Variants in PGRMC2 observed in about 807,000 individuals in gnomAD.
PGRMC2 encodes the protein membrane-associated progesterone receptor component 2.
In PGRMC2, 9 loss-of-function variants were observed where a neutral mutation model predicts 19.3. The ratio of observed to expected loss-of-function variants is 0.47; its 90% CI spans 0.28 to 0.81. The LOEUF is 0.81. PGRMC2 is among the 40% of genes least tolerant of loss of function. The pLI is 0.11. For synonymous variants in PGRMC2, 157 were observed against 124.6 expected (o/e 1.26, Z -1.73); for missense variants, 289 against 297.3 (o/e 0.97, Z 0.21).
intron 1 of PGRMC2, among the ~76,000 whole-genome samples, chr4:128,279,018 G>A (rs1467112954): frequency 6.6e-6 from 1 of 152,152 alleles, no homozygotes; most frequent in Non-Finnish European, 1.5e-5. Flanking sequence ...AGACCAGACT[G>A]ACCAACATGG....
intron 1 of PGRMC2, among the ~76,000 whole-genome samples, chr4:128,285,865 T>A (rs560260599): frequency 5.9e-5 from 9 of 152,334 alleles, no homozygotes; most frequent in African/African-American, 2.2e-4. Context: ...GGCAGACACC[T>A]TGTGTTCACA....
chr4:128,277,791 T>G (rs904173514), intron 1 of PGRMC2, among the ~76,000 whole-genome samples: 4 of 152,230 alleles, frequency 2.6e-5, no homozygotes, highest in African/African-American at 9.7e-5. Flanking sequence ...GAATGCAGTA[T>G]GGTAAAACTG....
At chr4:128,287,263 C>G (rs1302937192) in intron 1 of PGRMC2, 110 bp downstream of exon 1, 4 of 1,305,054 alleles carry the variant, frequency 3.1e-6, no homozygotes, top group South Asian at 1.5e-5. Context: ...GCGGGGGTCC[C>G]GGAGACGAGA....
Position 128,272,386 on chromosome 4 carries a change from G to T in PGRMC2, c.550C>A (p.Arg184=). 1.3e-6 allele frequency: 2 copies of T among 1,517,342 alleles called. No individual in the cohort carries two copies. The highest frequency in any genetic ancestry group is 1.4e-5 in the South Asian group (1 of 73,932). 94.0% of individuals were successfully genotyped at this position (1,517,342 alleles called of 1,614,324 possible). The part of the protein sequence containing the change: ...DLNAVQMESV[R]EWEMQFKEKY... ...CCTTTAAACTGCATTTCCCATTCTC[G>T]AACACTCTCCATTTGTACTGCATTC... The change falls in exon 2 of 3, where the codon CGA becomes AGA. Residue 184 remains arginine, a synonymous_variant. Transcript: ENST00000296425.
At position 128,271,322 on chromosome 4, in the gene PGRMC2, C is replaced by A; in HGVS notation, c.666G>T (p.Gln222His). 1 of 1,573,990 alleles carries A rather than the reference C, an allele frequency of 6.4e-7. No homozygotes were observed. Among genetic ancestry groups the A allele is most frequent in the South Asian group, 1.1e-5 (1 of 89,330 alleles). Reference sequence around the variant, plus strand: ...CTTTGGTTGTTTACAAAGTTCAATCCTGTTTATTGTGATCCTTGGTATCTT... The same window carrying A: ...CTTTGGTTGTTTACAAAGTTCAATCATGTTTATTGTGATCCTTGGTATCTT... ...DEEDTKDHNK[Q>H]D The change falls in exon 3 of 3, where the codon CAG (glutamine) becomes CAT (histidine). Residue 222 changes from glutamine (Q) to histidine (H), a missense_variant. Coordinates refer to ENST00000296425, the MANE Select transcript of PGRMC2 (RefSeq NM_006320.6).
chr4:128,272,584 TAAAAAA>T, intron 1 of PGRMC2, 67 bp from the exon 2 acceptor site: 5 of 333,898 alleles, frequency 1.5e-5, no homozygotes, highest in Non-Finnish European at 2.2e-5. Flanking sequence ...AAGGAAAAAG[TAAAAAA>T]AAAAAAAAAA....
At chr4:128,273,830 G>A (rs1760767829) in intron 1 of PGRMC2, among the ~76,000 whole-genome samples, 1 of 152,192 alleles carries the variant, frequency 6.6e-6, no homozygotes, top group African/African-American at 2.4e-5. Context: ...AAGTTAACCA[G>A]ATGTGAAATT....
rs754432009 is a variant in PGRMC2 at position 128,271,289 on chromosome 4, G to T, written c.*27C>A. ...GGGAGTAAGAATTGCAGTTCTGAAG[G>T]CCCCTGACTTTGGTTGTTTACAAAG... On this transcript the variant is annotated 3_prime_UTR_variant, in exon 3 of 3. Coordinates refer to ENST00000296425, the MANE Select transcript of PGRMC2 (RefSeq NM_006320.6). The T allele has an allele frequency of 8.2e-7, 1 of 1,225,798 alleles. No individual in the cohort carries two copies. Among genetic ancestry groups the T allele is most frequent in the Non-Finnish European group, 1.2e-6 (1 of 835,008 alleles). 75.9% of individuals were successfully genotyped at this position (1,225,798 alleles called of 1,614,324 possible).
intron 2 of PGRMC2, among the ~76,000 whole-genome samples, chr4:128,272,049 A>AT (rs1319436802): frequency 3.9e-5 from 6 of 152,140 alleles, no homozygotes; most frequent in Non-Finnish European, 8.8e-5. Flanking sequence ...TTAAATATTG[A>AT]TTTTCAAAAT....
rs772803429 is a variant in PGRMC2 at position 128,269,754 on chromosome 4, G to T, written c.*1562C>A. On this transcript the variant is annotated 3_prime_UTR_variant, in exon 3 of 3. Coordinates refer to ENST00000296425, the MANE Select transcript of PGRMC2 (RefSeq NM_006320.6). The stretch of plus-strand genomic sequence containing the variant: ...GAAATAAAGTAATTGATATATGAGG[G>T]GCTTTTAGTAAGGGCTTTTTCAACC... 1.3e-5 allele frequency: 2 copies of T among 152,052 alleles called. No individual in the cohort carries two copies. The highest frequency in any genetic ancestry group is 6.5e-5 in the Admixed American group (1 of 15,268). The allele number at this position is 152,052 out of a possible 1,614,324, so 9.4% of individuals were successfully genotyped here. A position where few individuals can be genotyped will look rare whatever the true frequency, so the allele number is the denominator to read the frequency against.
At chr4:128,287,234 C>T in intron 1 of PGRMC2, 139 bp downstream of exon 1, 5 of 929,228 alleles carry the variant, frequency 5.4e-6, no homozygotes, top group Non-Finnish European at 7.9e-6. Flanking sequence ...TGGGCCGTCC[C>T]AGGTGCGGCG....
intron 1 of PGRMC2, among the ~76,000 whole-genome samples, chr4:128,280,201 G>A (rs567049750): frequency 1.3e-5 from 2 of 151,866 alleles, no homozygotes; most frequent in South Asian, 2.1e-4. Context: ...AAGAACTAAA[G>A]TAAATTTGCT....
intron 1 of PGRMC2, among the ~76,000 whole-genome samples, chr4:128,280,615 A>AT (rs923391479): frequency 4.0e-5 from 6 of 151,196 alleles, no homozygotes; most frequent in Non-Finnish European, 7.4e-5. Flanking sequence ...GTCAATTTAC[A>AT]TTTTTTTTTG....
intron 1 of PGRMC2, among the ~76,000 whole-genome samples, chr4:128,279,578 G>A (rs1760872715): frequency 6.6e-6 from 1 of 152,160 alleles, no homozygotes; most frequent in Non-Finnish European, 1.5e-5. Context: ...TGTGTAAAAT[G>A]ACATGTACAT....
At chr4:128,275,731 T>G (rs924365869) in intron 1 of PGRMC2, among the ~76,000 whole-genome samples, 11 of 152,182 alleles carry the variant, frequency 7.2e-5, no homozygotes, top group Admixed American at 2.0e-4. Flanking sequence ...AAAAATTTTT[T>G]TTGTTGTTTT....
intron 1 of PGRMC2, among the ~76,000 whole-genome samples, chr4:128,284,675 T>A (rs1041655439): frequency 6.6e-6 from 1 of 152,216 alleles, no homozygotes; most frequent in Admixed American, 6.5e-5. Flanking sequence ...CCTAAAACCA[T>A]TATTGTGAAA....
rs1163364103 is a variant in PGRMC2, at chr4:128,270,328, GTTGAT to G, written c.*983_*987del. 6.6e-6 allele frequency: 1 copy of G among 152,602 alleles called. No homozygotes were observed. Among genetic ancestry groups the G allele is most frequent in the Non-Finnish European group, 1.5e-5 (1 of 68,038 alleles). 9.5% of individuals were successfully genotyped at this position (152,602 alleles called of 1,614,324 possible). On this transcript the variant is annotated 3_prime_UTR_variant, in exon 3 of 3. Transcript: ENST00000296425. The stretch of plus-strand genomic sequence containing the variant: ...AATTAGGCAGCTGTTGGGGATAAGA[GTTGAT>G]TTGTTTTTCAATTTTTTTGAAAACA...
Position 128,287,438 on chromosome 4 carries a change from C to T in PGRMC2, c.353G>A (p.Arg118His), listed in dbSNP as rs1474522061. The T allele has an allele frequency of 6.2e-7, 1 of 1,613,294 alleles. No individual in the cohort carries two copies. Among genetic ancestry groups the T allele is most frequent in the Non-Finnish European group, 8.5e-7 (1 of 1,179,474 alleles). ...LRQYDGSRNP[R>H]ILLAVNGKVF... is the part of the protein sequence containing the mutation. ...TTTCCCATTGACCGCGAGCAGGATG[C>T]GCGGGTTGCGGGAGCCGTCGTACTG... is the stretch of plus-strand genomic sequence containing the variant. Residue 118 changes from arginine (R) to histidine (H), a missense_variant, in exon 1 of 3, where the codon CGC becomes CAC. Arg to His is a conservative substitution (Grantham distance 29). Coordinates refer to ENST00000296425, the MANE Select transcript of PGRMC2 (RefSeq NM_006320.6).
intron 2 of PGRMC2, 76 bp downstream of exon 2, chr4:128,272,286 T>TA (rs1234849085): frequency 2.3e-6 from 2 of 871,086 alleles, no homozygotes; most frequent in Non-Finnish European, 3.2e-6. Context: ...CTTAGGCTCT[T>TA]AAAGCATGTA....
Sources: gnomAD v4.1 joint callset for allele counts (sites outside exome capture counted in the v4.1 genomes callset) on GRCh38, gnomAD v4.1.1 for gene constraint, MANE v1.5 for transcripts, NCBI Gene and HGNC (gene_info 2026-07-23, HGNC 2026-07-21) for gene names.